Variants in PRKDC observed in about 807,000 individuals in gnomAD.
PRKDC encodes the protein DNA-dependent protein kinase catalytic subunit.
Under a neutral mutation model 486.9 loss-of-function variants are expected in PRKDC, and 82 were observed. The observed-to-expected ratio is 0.17, with a 90% CI of 0.14 to 0.20. The LOEUF is 0.20. Ranked by LOEUF, PRKDC falls within the 10% of genes least tolerant of loss-of-function variation. The pLI is 1.00. For missense variants in PRKDC, 4,504 were observed against 5,038.2 expected (o/e 0.89, Z 3.21); for synonymous variants, 1,895 against 1,837.0 (o/e 1.03, Z -0.81).
chr8:47,925,282 G>T (rs141166243), intron 21 of PRKDC, among the ~76,000 whole-genome samples: 1 of 152,342 alleles, frequency 6.6e-6, no homozygotes, highest in East Asian at 1.9e-4. Context: ...GGTTACAGTG[G>T]AAACAACCAG....
At position 47,849,177 on chromosome 8, in the gene PRKDC, G is replaced by A. The variant is rs905503046; in HGVS notation, c.7257C>T (p.Asp2419=). ...ACCTATGTCTCATGACTTGAACGAA[G>A]TCCTTGCTCTTTAACTGGAAGTACA... is the stretch of plus-strand genomic sequence containing the variant. ...TELYFQLKSK[D]FVQVMRHRDD... is the part of the protein sequence containing the mutation. The change falls in exon 54 of 86, where the codon GAC becomes GAT. Residue 2419 remains aspartate (D), a synonymous_variant. Coordinates refer to ENST00000314191, the MANE Select transcript of PRKDC (RefSeq NM_006904.7). 1.2e-6 allele frequency: 2 copies of A among 1,613,896 alleles called. No homozygotes were observed. The highest frequency in any genetic ancestry group is 1.7e-6 in the Non-Finnish European group (2 of 1,179,892).
intron 25 of PRKDC, among the ~76,000 whole-genome samples, chr8:47,907,234 GT>G (rs2089801323): frequency 6.6e-6 from 1 of 151,024 alleles, no homozygotes; most frequent in Admixed American, 6.9e-5. Context: ...TAGAGACAGG[GT>G]TTCACCGTGT....
rs566969408 is a variant in PRKDC, at chr8:47,822,706, C to T, written c.8923-914G>A. 3.9e-5 allele frequency among the ~76,000 whole-genome samples: 6 copies of T among 152,216 alleles called. No homozygotes were observed. In the East Asian group the frequency reaches 9.7e-4, roughly 25 times the overall value. On this transcript the variant is annotated intron_variant, in intron 64 of 85. Transcript: ENST00000314191. ...TCGGGAGGCTGAGGCAGGAGAATGGCGTGAACCCGGAAGGCAGAGCTTGCA... is the reference window on the plus strand; with the variant it reads ...TCGGGAGGCTGAGGCAGGAGAATGGTGTGAACCCGGAAGGCAGAGCTTGCA...
chr8:47,911,778 T>C (rs1002205417), intron 25 of PRKDC, among the ~76,000 whole-genome samples: 2 of 150,308 alleles, frequency 1.3e-5, no homozygotes, highest in East Asian at 3.9e-4. Flanking sequence ...ATTTATTTAT[T>C]TTTTTTTTTG....
chr8:47,835,224 T>C (rs1589730274), intron 58 of PRKDC, among the ~76,000 whole-genome samples: 1 of 152,278 alleles, frequency 6.6e-6, no homozygotes, highest in South Asian at 2.1e-4. Flanking sequence ...ATGAATTTGG[T>C]TTACCTCTAC....
chr8:47,795,488 C>CTT (rs79687127), intron 73 of PRKDC, among the ~76,000 whole-genome samples: 10 of 135,662 alleles, frequency 7.4e-5, no homozygotes, highest in Non-Finnish European at 1.1e-4. Context: ...CGCACCCGGC[C>CTT]TTTTTTTTTT....
At chr8:47,907,411 T>C (rs567316789) in intron 25 of PRKDC, among the ~76,000 whole-genome samples, 21 of 148,938 alleles carry the variant, frequency 1.4e-4, no homozygotes, top group East Asian at 5.9e-4. Flanking sequence ...TATATATATA[T>C]ACACACACAC....
intron 36 of PRKDC, among the ~76,000 whole-genome samples, chr8:47,883,117 G>T (rs2089256677): frequency 6.6e-6 from 1 of 152,168 alleles, no homozygotes; most frequent in African/African-American, 2.4e-5. Context: ...AGTGCACAGG[G>T]ACCTCTTGGG....
At chr8:47,842,851 A>G (rs2088179239) in intron 54 of PRKDC, among the ~76,000 whole-genome samples, 1 of 152,210 alleles carries the variant, frequency 6.6e-6, no homozygotes, top group Non-Finnish European at 1.5e-5. Flanking sequence ...TCAAGAGTCA[A>G]AAGGCAACAT....
rs147199125 is a variant in PRKDC at position 47,908,979 on chromosome 8, C to T, written c.2934+3431G>A. Among the ~76,000 whole-genome samples, 481 of 152,310 alleles carry T rather than the reference C, an allele frequency of 3.2e-3. 1 individual carries two copies. The highest frequency in any genetic ancestry group is 5.2e-3 in the Admixed American group (80 of 15,294). ...CAACTAGGCCTTGATTTCTGGGCTTCCATGTTCATCTCTATTAGTCCAGTT... is the reference window on the plus strand; with the variant it reads ...CAACTAGGCCTTGATTTCTGGGCTTTCATGTTCATCTCTATTAGTCCAGTT... On this transcript the variant is annotated intron_variant, in intron 25 of 85. Transcript: ENST00000314191.
At chr8:47,841,727 G>GCTC (rs1563762436) in intron 54 of PRKDC, among the ~76,000 whole-genome samples, 25 of 152,336 alleles carry the variant, frequency 1.6e-4, no homozygotes, top group Non-Finnish European at 3.1e-4. Flanking sequence ...CACAAGGCTG[G>GCTC]TCTGGGAAGG....
At chr8:47,876,969 C>T (rs571951559) in intron 40 of PRKDC, among the ~76,000 whole-genome samples, 1 of 152,318 alleles carries the variant, frequency 6.6e-6, no homozygotes, top group Non-Finnish European at 1.5e-5. Context: ...TATGCACCTC[C>T]TAATGCCGTG....
intron 10 of PRKDC, among the ~76,000 whole-genome samples, chr8:47,942,374 G>C (rs2090458901): frequency 2.0e-5 from 3 of 152,210 alleles, no homozygotes; most frequent in Admixed American, 1.3e-4. Flanking sequence ...GAGAGGGACA[G>C]GCGGCAGAGG....
rs375706148 is a variant in PRKDC at position 47,849,499 on chromosome 8, A to G, written c.7010T>C (p.Leu2337Pro). 8.1e-5 allele frequency: 130 copies of G among 1,609,512 alleles called. 2 individuals are homozygous for G. The Middle Eastern group carries it at 8.3e-4, about 10-fold the overall frequency. The change falls in exon 53 of 86, where the codon CTG (leucine) becomes CCG (proline). Residue 2337 changes from leucine to proline, a missense_variant. By Grantham distance (98) the Leu-to-Pro change is moderately conservative (BLOSUM62 -3). Around this residue, in one of 6 missense-constraint regions of PRKDC, gnomAD observed 1,592 missense variants for 1,724.6 expected, o/e 0.92. Coordinates refer to ENST00000314191, the MANE Select transcript of PRKDC (RefSeq NM_006904.7). ...AACCAGTTCACACAGAGACTCCTCC[A>G]GTATCTGAAAAATTAAGTTTATTTT... ...LRYVMERKNI[L>P]EESLCELVAK...
At chr8:47,788,597 T>C (rs1448694338) in intron 76 of PRKDC, among the ~76,000 whole-genome samples, 1 of 152,180 alleles carries the variant, frequency 6.6e-6, no homozygotes, top group Non-Finnish European at 1.5e-5. Flanking sequence ...CTTGGCCCAA[T>C]ATTCAAGCCA....
intron 58 of PRKDC, among the ~76,000 whole-genome samples, chr8:47,834,869 T>G (rs2154499641): frequency 6.6e-6 from 1 of 151,992 alleles, no homozygotes. Context: ...TTTTTGTATT[T>G]TTAGTAGAGA....
chr8:47,849,359 G>A lies in PRKDC; in HGVS notation c.7130+20C>T, dbSNP rs1354856724. 1 of 1,613,928 alleles carries A rather than the reference G, an allele frequency of 6.2e-7. No individual in the cohort carries two copies. Among genetic ancestry groups the A allele is most frequent in the East Asian group, 2.2e-5 (1 of 44,872 alleles). On this transcript the variant is annotated intron_variant, in intron 53 of 85. Coordinates refer to ENST00000314191, the MANE Select transcript of PRKDC (RefSeq NM_006904.7). ...GCCGAGGACCCTCCTGCCCCGAAAG[G>A]ATCCCTGGACAGCCCATACCTGTCT...
chr8:47,843,384 A>G (rs552883643), intron 54 of PRKDC, among the ~76,000 whole-genome samples: 1 of 152,354 alleles, frequency 6.6e-6, no homozygotes, highest in Non-Finnish European at 1.5e-5. Context: ...TCTAAAAAAT[A>G]ATGGATTATG....
intron 10 of PRKDC, among the ~76,000 whole-genome samples, chr8:47,941,949 A>G (rs1018325319): frequency 1.1e-4 from 17 of 152,252 alleles, no homozygotes; most frequent in African/African-American, 4.1e-4. Flanking sequence ...TGCGTGGCTC[A>G]TTAAAGACAA....
Sources: gnomAD v4.1 joint callset for allele counts (sites outside exome capture counted in the v4.1 genomes callset) on GRCh38, gnomAD v4.1.1 for gene constraint, gnomAD v4.1.1 regional missense constraint, MANE v1.5 for transcripts, NCBI Gene and HGNC (gene_info 2026-07-23, HGNC 2026-07-21) for gene names.